HDAC9: variants seen among roughly 807,000 people sequenced by gnomAD.
HDAC9 encodes histone deacetylase 9, also known as MEF-2 interacting transcription repressor (MITR) protein.
A neutral mutation model predicts 139.4 loss-of-function variants in HDAC9; 41 were observed. That is an observed-to-expected ratio of 0.29 (90% CI 0.23 to 0.38). HDAC9 has a LOEUF of 0.38. Among genes scored for constraint, HDAC9 ranks in the 10% least tolerant of loss-of-function variants. The pLI is 1.00. For missense variants in HDAC9, 1,147 were observed against 1,297.0 expected (o/e 0.88, Z 1.78); for synonymous variants, 517 against 476.2 (o/e 1.09, Z -1.12).
intron 1 of HDAC9, among the ~76,000 whole-genome samples, chr7:18,334,296 C>T (rs1042749764): frequency 1.3e-5 from 2 of 151,184 alleles, no homozygotes; most frequent in African/African-American, 4.8e-5. Context: ...TTAAATTTAG[C>T]AATATTTTAA....
rs573118315 is a variant in HDAC9 at position 18,936,057 on chromosome 7, A to G, written c.2937+115A>G. 13 of 962,428 alleles carry G rather than the reference A, an allele frequency of 1.4e-5. No individual in the cohort carries two copies. The East Asian group carries it at 2.2e-4, about 16-fold the overall frequency. The allele number at this position is 962,428 out of a possible 1,614,324, so 59.6% of individuals were successfully genotyped here. ...CAGAAAGCTTAACATTGCTCTTACC[A>G]TTAAGAAAGAAGGTAAGCCTTAGAT... On this transcript the variant is annotated intron_variant, in intron 23 of 25. Coordinates refer to ENST00000686413, the MANE Select transcript of HDAC9 (RefSeq NM_178425.4).
At chr7:18,227,961 C>T (rs1162796074) in intron 2 of HDAC9, among the ~76,000 whole-genome samples, 1 of 152,098 alleles carries the variant, frequency 6.6e-6, no homozygotes, top group Non-Finnish European at 1.5e-5. Context: ...ATGTTTAAGT[C>T]TCATGGCAAT....
chr7:18,404,415 G>A (rs1489126115), intron 1 of HDAC9, among the ~76,000 whole-genome samples: 8 of 152,328 alleles, frequency 5.3e-5, no homozygotes, highest in African/African-American at 1.2e-4. Flanking sequence ...GAAGGAGAAT[G>A]AGAATAGGTT....
intron 21 of HDAC9, among the ~76,000 whole-genome samples, chr7:18,865,777 A>G (rs13241885): frequency 0.013 from 1,939 of 152,276 alleles, 12 homozygotes; most frequent in African/African-American, 0.018. Context: ...TGTGCAGTCT[A>G]TAATGTGCAT....
upstream of HDAC9, among the ~76,000 whole-genome samples, chr7:18,287,614 G>C (rs1797534766): frequency 1.3e-5 from 2 of 152,358 alleles, no homozygotes; most frequent in African/African-American, 4.8e-5. Context: ...CCACAGTTGA[G>C]AGCAGATGGC....
chr7:18,992,173 A>T (rs146063485), intron 25 of HDAC9, among the ~76,000 whole-genome samples: 1 of 152,230 alleles, frequency 6.6e-6, no homozygotes, highest in South Asian at 2.1e-4. Flanking sequence ...CATTCTCAGC[A>T]TAAGTCTTTA....
intron 11 of HDAC9, among the ~76,000 whole-genome samples, chr7:18,658,044 TTTGA>T (rs1437564248): frequency 6.6e-6 from 1 of 151,982 alleles, no homozygotes; most frequent in Non-Finnish European, 1.5e-5. Context: ...CTTCTCACGG[TTTGA>T]TTGTGTTTTG....
chr7:18,271,324 A>G (rs559416475), intron 2 of HDAC9, among the ~76,000 whole-genome samples: 6 of 152,248 alleles, frequency 3.9e-5, no homozygotes, highest in East Asian at 1.9e-4. Context: ...ATTGTACCGG[A>G]GCTTTTTGTG....
intron 22 of HDAC9, among the ~76,000 whole-genome samples, chr7:18,885,183 C>A (rs1198032425): frequency 6.6e-6 from 1 of 152,174 alleles, no homozygotes; most frequent in Non-Finnish European, 1.5e-5. Context: ...CCTGGTCGTC[C>A]AGCAGAAAAC....
At position 18,495,818 on chromosome 7, in the gene HDAC9, C is replaced by G; in HGVS notation, c.-247C>G. The G allele has an allele frequency of 9.8e-7, 1 of 1,016,122 alleles. No individual in the cohort carries two copies. The highest frequency in any genetic ancestry group is 1.7e-5 in the African/African-American group (1 of 58,636). The allele number at this position is 1,016,122 out of a possible 1,614,324, so 62.9% of individuals were successfully genotyped here. On this transcript the variant is annotated 5_prime_UTR_variant, in exon 1 of 26. Coordinates refer to ENST00000686413, the MANE Select transcript of HDAC9 (RefSeq NM_178425.4). ...CCACTTGCAGGACTGAGGGTTTTTG[C>G]AACAAAACCCTAGCAGCCTGAAGAA... is the stretch of plus-strand genomic sequence containing the variant.
intron 7 of HDAC9, 90 bp downstream of exon 7, chr7:18,629,571 G>T: frequency 8.2e-7 from 1 of 1,217,890 alleles, no homozygotes; most frequent in Non-Finnish European, 1.1e-6. Flanking sequence ...CATATTAAAA[G>T]TTATTTTGAG....
intron 2 of HDAC9, among the ~76,000 whole-genome samples, chr7:18,508,428 T>G (rs1490600549): frequency 6.6e-6 from 1 of 152,208 alleles, no homozygotes; most frequent in Non-Finnish European, 1.5e-5. Context: ...GGGGAAGCAT[T>G]TAGCAGTAGG....
chr7:18,789,974 A>T (rs2129177035), intron 16 of HDAC9, among the ~76,000 whole-genome samples: 1 of 152,336 alleles, frequency 6.6e-6, no homozygotes, highest in Non-Finnish European at 1.5e-5. Context: ...AGGGACAAAG[A>T]GGGAGGAAAA....
At chr7:18,138,113 G>C (rs36198732) in intron 1 of HDAC9, among the ~76,000 whole-genome samples, 25,496 of 152,142 alleles carry the variant, frequency 0.17, 2,713 homozygotes, top group Non-Finnish European at 0.23. Flanking sequence ...GTAGTATTCT[G>C]TGATGGTAGT....
At chr7:18,377,390 T>G (rs769865793) in intron 1 of HDAC9, among the ~76,000 whole-genome samples, 8 of 152,174 alleles carry the variant, frequency 5.3e-5, no homozygotes, top group Non-Finnish European at 1.0e-4. Context: ...CCTTTAAAAA[T>G]GAGCATAAGT....
chr7:18,835,992 A>T lies in HDAC9; in HGVS notation c.2679A>T (p.Ala893=). Residue 893 remains alanine (A), a synonymous_variant, in exon 21 of 26, where the codon GCA becomes GCT. Coordinates refer to ENST00000686413, the MANE Select transcript of HDAC9 (RefSeq NM_178425.4). ...TGGGAGATGTTGAGTACCTTGAAGC[A>T]TTCAGGTTGGTACTTCTTTCTCTCT... The part of the protein sequence containing the change: ...PPMGDVEYLE[A]FRTIVKPVAK... 1 of 1,543,842 alleles carries T rather than the reference A, an allele frequency of 6.5e-7. No homozygotes were observed. The highest frequency in any genetic ancestry group is 8.8e-7 in the Non-Finnish European group (1 of 1,138,024).
rs148726643 is a variant in HDAC9 at position 18,982,702 on chromosome 7, C to G, written c.3170+6749C>G. ...ACACCGTCAATTATGTTTGCCTGCT[C>G]TTGAATTTCATTTAAATGGAATCAT... On this transcript the variant is annotated intron_variant, in intron 25 of 25. Coordinates refer to ENST00000686413, the MANE Select transcript of HDAC9 (RefSeq NM_178425.4). 3.7e-3 allele frequency among the ~76,000 whole-genome samples: 561 copies of G among 152,226 alleles called. 2 individuals carry two copies. The highest frequency in any genetic ancestry group is 0.013 in the African/African-American group (548 of 41,532).
rs140476954 is a variant in HDAC9, at chr7:18,310,729, T to C, written c.-42+20214T>C. On this transcript the variant is annotated intron_variant, in intron 1 of 3. Transcript: ENST00000413509. ...GGTGTGACATAGACATCATACAGCA[T>C]TGTTAACTTACAGCTATAGAATCAG... is the stretch of plus-strand genomic sequence containing the variant. Among the ~76,000 whole-genome samples the C allele has an allele frequency of 4.0e-3, 608 of 151,902 alleles. 3 individuals carry two copies. Among genetic ancestry groups the C allele is most frequent in the African/African-American group, 0.014 (591 of 41,426 alleles).
intron 2 of HDAC9, among the ~76,000 whole-genome samples, chr7:18,214,908 A>G (rs1178408723): frequency 1.3e-5 from 2 of 152,110 alleles, no homozygotes; most frequent in East Asian, 3.8e-4. Flanking sequence ...ACTTTTGACT[A>G]TTTTGGAAGA....
Sources: gnomAD v4.1 joint callset for allele counts (sites outside exome capture counted in the v4.1 genomes callset) on GRCh38, gnomAD v4.1.1 for gene constraint, MANE v1.5 for transcripts, NCBI Gene and HGNC (gene_info 2026-07-23, HGNC 2026-07-21) for gene names.